Variants in BMP7 observed in about 807,000 individuals in gnomAD.
BMP7 encodes the protein bone morphogenetic protein 7, also known as osteogenic protein 1.
Under a neutral mutation model 41.2 loss-of-function variants are expected in BMP7, and 12 were observed. The observed-to-expected ratio is 0.29, with a 90% CI of 0.19 to 0.47. BMP7 has a LOEUF of 0.47. BMP7 is among the 20% of genes least tolerant of loss of function. The probability of loss-of-function intolerance (pLI) is 0.99; values close to 1 mark genes in which losing one functional copy is unlikely to be tolerated. For synonymous variants in BMP7, 248 were observed against 250.0 expected (o/e 0.99, Z 0.07); for missense variants, 467 against 606.0 (o/e 0.77, Z 2.41).
chr20:57,175,934 C>T (rs974268618), intron 4 of BMP7, among the ~76,000 whole-genome samples: 1 of 152,214 alleles, frequency 6.6e-6, no homozygotes, highest in Admixed American at 6.5e-5. Flanking sequence ...CTGCAATGCC[C>T]CTCCCTGCAA....
chr20:57,236,378 T>C (rs1371855089), intron 1 of BMP7, among the ~76,000 whole-genome samples: 1 of 152,008 alleles, frequency 6.6e-6, no homozygotes, highest in Non-Finnish European at 1.5e-5. Flanking sequence ...TGCAGACAGG[T>C]GAAACTTGAG....
intron 1 of BMP7, among the ~76,000 whole-genome samples, chr20:57,231,487 G>A (rs2066029260): frequency 6.6e-6 from 1 of 152,230 alleles, no homozygotes; most frequent in Non-Finnish European, 1.5e-5. Flanking sequence ...TAGGAGAGAG[G>A]TGGAAGAGAC....
chr20:57,224,680 G>T lies in BMP7; in HGVS notation c.611+3549C>A, dbSNP rs1196823574. ...CTCAGGCCTGGGGTTCAGAAAATGA[G>T]GATAAGACTCCGATCCTTTCGCAGC... On this transcript the variant is annotated intron_variant, in intron 2 of 6. Transcript: ENST00000395863. This position sits in a 1 kb window ranked among gnomAD's most constrained non-coding sequence, Gnocchi z 4.8. The T allele has an allele frequency of 6.6e-6, 1 of 152,276 alleles. No homozygotes were observed. The highest frequency in any genetic ancestry group is 6.5e-5 in the Admixed American group (1 of 15,286). 9.4% of individuals were successfully genotyped at this position (152,276 alleles called of 1,614,324 possible).
intron 3 of BMP7, among the ~76,000 whole-genome samples, chr20:57,187,583 C>CTCTCTA (rs1275902201): frequency 6.6e-6 from 1 of 151,582 alleles, no homozygotes; most frequent in Non-Finnish European, 1.5e-5. Context: ...CTCTCTCTCT[C>CTCTCTA]TACACGATTG....
rs1156882300 is a variant in BMP7 at position 57,207,846 on chromosome 20, G to A, written c.612-5223C>T. ...TTTTTTTTTTTTTTTTTTTTGAGAC[G>A]GAGTCTCGCTCTGTCGCCCAGGCTG... On this transcript the variant is annotated intron_variant, in intron 2 of 6. Transcript: ENST00000395863. 1.3e-4 allele frequency among the ~76,000 whole-genome samples: 14 copies of A among 109,522 alleles called. 1 individual carries two copies. The highest frequency in any genetic ancestry group is 4.3e-4 in the Admixed American group (3 of 7,026). The allele number at this position is 109,522 out of a possible 152,430, so 71.9% of individuals were successfully genotyped here.
chr20:57,259,398 A>C lies in BMP7; in HGVS notation c.418+6307T>G, dbSNP rs565099608. Among the ~76,000 whole-genome samples, 1 of 152,368 alleles carries C rather than the reference A, an allele frequency of 6.6e-6. No individual in the cohort carries two copies. Among genetic ancestry groups the C allele is most frequent in the East Asian group, 1.9e-4 (1 of 5,186 alleles). ...GCATTCCAAACACAGGAAAGGAAGG[A>C]AATTGGAAACACAGTTTATACTTGG... On this transcript the variant is annotated intron_variant, in intron 1 of 6. Transcript: ENST00000395863. The surrounding 1 kb of genome is among the most constrained non-coding windows in gnomAD (Gnocchi z 4.7).
intron 2 of BMP7, among the ~76,000 whole-genome samples, chr20:57,221,401 G>A (rs1985186406): frequency 6.6e-6 from 1 of 152,090 alleles, no homozygotes; most frequent in Admixed American, 6.5e-5. Flanking sequence ...GCCACGAGGA[G>A]AAAGAAAAAA....
At chr20:57,238,784 T>G (rs962917749) in intron 1 of BMP7, among the ~76,000 whole-genome samples, 5 of 151,906 alleles carry the variant, frequency 3.3e-5, no homozygotes, top group Non-Finnish European at 7.4e-5. Context: ...AAAAGGCACT[T>G]CTTACATGGC....
chr20:57,225,989 G>A (rs1322198909), intron 2 of BMP7: 1 of 469,820 alleles, frequency 2.1e-6, no homozygotes, highest in Non-Finnish European at 4.4e-6. Flanking sequence ...TCACTCAGCA[G>A]CCCAGAAGCC....
intron 3 of BMP7, among the ~76,000 whole-genome samples, chr20:57,194,550 A>G (rs1340467555): frequency 6.6e-6 from 1 of 152,206 alleles, no homozygotes; most frequent in Non-Finnish European, 1.5e-5. Context: ...CCAGACTTGT[A>G]GGGAAAACCA....
intron 1 of BMP7, among the ~76,000 whole-genome samples, chr20:57,244,834 C>A (rs556987197): frequency 3.3e-5 from 5 of 152,208 alleles, no homozygotes; most frequent in Admixed American, 2.0e-4. Flanking sequence ...GACCTTCCCC[C>A]CAGAGCAGCC....
intron 4 of BMP7, among the ~76,000 whole-genome samples, chr20:57,181,918 C>T (rs970742218): frequency 6.6e-6 from 1 of 152,252 alleles, no homozygotes; most frequent in African/African-American, 2.4e-5. Flanking sequence ...CCCCTTTGCC[C>T]TGGAGGGTGA....
chr20:57,183,655 GC>G (rs1984139861), intron 4 of BMP7, 66 bp downstream of exon 4: 1 of 1,599,874 alleles, frequency 6.3e-7, no homozygotes, highest in South Asian at 1.1e-5. Flanking sequence ...TCAGTCTCCT[GC>G]CGGGTCCCGC....
Position 57,174,889 on chromosome 20 carries a change from C to G in BMP7, c.1035+42G>C. 6.3e-7 allele frequency: 1 copy of G among 1,588,610 alleles called. No individual in the cohort carries two copies. The highest frequency in any genetic ancestry group is 8.6e-7 in the Non-Finnish European group (1 of 1,167,708). On this transcript the variant is annotated intron_variant, in intron 5 of 6. Coordinates refer to ENST00000395863, the MANE Select transcript of BMP7 (RefSeq NM_001719.3). This position sits in a 1 kb window ranked among gnomAD's most constrained non-coding sequence, Gnocchi z 4.3. The stretch of plus-strand genomic sequence containing the variant: ...ACCCGCTGCCTCGTGGGAGCCCACG[C>G]CAGAGGGCCCACACCCAAGACAGAC...
At chr20:57,231,270 C>T (rs770851134) in intron 1 of BMP7, among the ~76,000 whole-genome samples, 2 of 152,212 alleles carry the variant, frequency 1.3e-5, no homozygotes, top group Admixed American at 6.5e-5. Flanking sequence ...GATAGTCCAT[C>T]GTTGTATTAG....
chr20:57,260,795 A>G (rs921974321), intron 1 of BMP7, among the ~76,000 whole-genome samples: 2 of 152,244 alleles, frequency 1.3e-5, no homozygotes, highest in African/African-American at 4.8e-5. Flanking sequence ...GCCAGAGTGC[A>G]TTAAGGCGAA....
intron 1 of BMP7, among the ~76,000 whole-genome samples, chr20:57,231,015 T>C (rs996823340): frequency 1.3e-5 from 2 of 152,156 alleles, no homozygotes; most frequent in African/African-American, 4.8e-5. Flanking sequence ...TGTATACGTG[T>C]AGCGTGTGTG....
At chr20:57,192,015 A>G (rs1216004538) in intron 3 of BMP7, among the ~76,000 whole-genome samples, 1 of 125,162 alleles carries the variant, frequency 8.0e-6, no homozygotes, top group Non-Finnish European at 1.6e-5. Flanking sequence ...AATATATATT[A>G]TATATAATAT....
intron 4 of BMP7, among the ~76,000 whole-genome samples, chr20:57,179,301 G>A (rs73287950): frequency 0.018 from 2,807 of 152,350 alleles, 95 homozygotes; most frequent in African/African-American, 0.062. Context: ...AAGTGAGCAG[G>A]AGACAGCCCT....
Sources: allele counts gnomAD v4.1 joint callset (sites outside exome capture counted in the v4.1 genomes callset), GRCh38; gene constraint gnomAD v4.1.1; non-coding constraint Gnocchi (gnomAD v3.1); transcripts MANE v1.5; gene names NCBI Gene and HGNC (gene_info 2026-07-23, HGNC 2026-07-21).